The following CUX2 variants were observed in gnomAD, a reference collection of about 807,000 sequenced individuals.
CUX2 encodes the protein homeobox protein cut-like 2.
A neutral mutation model predicts 144.8 loss-of-function variants in CUX2; 40 were observed. The observed-to-expected ratio is 0.28, with a 90% CI of 0.21 to 0.36. CUX2 has a LOEUF of 0.36. Among genes scored for constraint, CUX2 ranks in the 10% least tolerant of loss-of-function variants. The pLI is 1.00. For missense variants in CUX2, 1,615 were observed against 1,994.0 expected (o/e 0.81, Z 3.62); for synonymous variants, 827 against 875.6 (o/e 0.94, Z 0.98).
intron 1 of CUX2, among the ~76,000 whole-genome samples, chr12:111,062,940 G>C (rs1365546061): frequency 6.6e-6 from 1 of 152,168 alleles, no homozygotes; most frequent in African/African-American, 2.4e-5. Flanking sequence ...GGCAGGATGT[G>C]TCTGAGAAGC....
Position 111,336,459 on chromosome 12 carries a change from T to TG in CUX2, c.3196+1749_3196+1750insG, listed in dbSNP as rs199709412. On this transcript the variant is annotated intron_variant, in intron 19 of 21. Transcript: ENST00000261726. ...GTGTGTGTGTGTGTGTGTGTGTGTG[T>TG]TTAAGATGGAGTCTCCTGTCACCCA... Among the ~76,000 whole-genome samples, 976 of 146,626 alleles carry TG rather than the reference T, an allele frequency of 6.7e-3. 8 individuals are homozygous for TG. The highest frequency in any genetic ancestry group is 0.023 in the African/African-American group (903 of 38,736).
rs1871133840 is a variant in CUX2 at position 111,068,921 on chromosome 12, C to A, written c.63+34681C>A. 6.6e-6 allele frequency among the ~76,000 whole-genome samples: 1 copy of A among 152,012 alleles called. No individual in the cohort carries two copies. Among genetic ancestry groups the A allele is most frequent in the Non-Finnish European group, 1.5e-5 (1 of 67,996 alleles). On this transcript the variant is annotated intron_variant, in intron 1 of 21. Transcript: ENST00000261726. The surrounding 1 kb of genome is among the most constrained non-coding windows in gnomAD (Gnocchi z 4.9). ...AGGAGTTCGAGACCAGCCTGGCCAA[C>A]ATGGTGAAACCCCATCTCTACTAAT... is the stretch of plus-strand genomic sequence containing the variant.
At chr12:111,331,207 T>TC (rs1888107202) in intron 18 of CUX2, among the ~76,000 whole-genome samples, 2 of 152,018 alleles carry the variant, frequency 1.3e-5, no homozygotes, top group South Asian at 4.2e-4. Context: ...TTCTGGAGCA[T>TC]AGGAGTGGTC....
intron 20 of CUX2, among the ~76,000 whole-genome samples, chr12:111,338,993 G>A (rs970731665): frequency 1.3e-5 from 2 of 152,182 alleles, no homozygotes; most frequent in Admixed American, 1.3e-4. Context: ...AGCACTTTGG[G>A]AGGCTGAGGC....
chr12:111,144,142 G>A (rs1293108826), intron 1 of CUX2, among the ~76,000 whole-genome samples: 1 of 152,142 alleles, frequency 6.6e-6, no homozygotes, highest in Non-Finnish European at 1.5e-5. Flanking sequence ...TAAAGGCCAG[G>A]CCTGGGCCTT....
At chr12:111,170,545 C>CTTTTTTT (rs34282526) in intron 1 of CUX2, among the ~76,000 whole-genome samples, 3 of 79,940 alleles carry the variant, frequency 3.8e-5, no homozygotes, top group African/African-American at 1.2e-4. Context: ...CCCAGCTCTT[C>CTTTTTTT]TTTTTTTTTT....
intron 1 of CUX2, among the ~76,000 whole-genome samples, chr12:111,176,912 G>A (rs1042312848): frequency 6.6e-6 from 1 of 152,190 alleles, no homozygotes; most frequent in African/African-American, 2.4e-5. Flanking sequence ...TTTTGGACTG[G>A]AAAATTTCTC....
intron 1 of CUX2, among the ~76,000 whole-genome samples, chr12:111,168,207 G>C (rs1878278742): frequency 6.6e-6 from 1 of 152,136 alleles, no homozygotes; most frequent in Admixed American, 6.5e-5. Flanking sequence ...AACCCAGTTT[G>C]TGGCTCCTCA....
intron 3 of CUX2, among the ~76,000 whole-genome samples, chr12:111,242,870 C>T (rs1042260323): frequency 1.3e-5 from 2 of 152,150 alleles, no homozygotes; most frequent in Admixed American, 6.5e-5. Flanking sequence ...CACCCCATGA[C>T]AGGCCCTGGT....
Position 111,287,391 on chromosome 12 carries a change from C to T in CUX2, c.302-4027C>T, listed in dbSNP as rs1486300287. Among the ~76,000 whole-genome samples the T allele has an allele frequency of 6.6e-6, 1 of 152,252 alleles. No individual in the cohort carries two copies. The highest frequency in any genetic ancestry group is 1.5e-5 in the Non-Finnish European group (1 of 68,050). On this transcript the variant is annotated intron_variant, in intron 4 of 21. Transcript: ENST00000261726. The surrounding 1 kb of genome is among the most constrained non-coding windows in gnomAD (Gnocchi z 4.2). ...CTTGTGTTTGTCTAACTTCCCTGAC[C>T]CCGGCGAGTGCTCGTTGCCTTTTTT...
chr12:111,174,365 C>T (rs1878719356), intron 1 of CUX2, among the ~76,000 whole-genome samples: 1 of 152,194 alleles, frequency 6.6e-6, no homozygotes, highest in African/African-American at 2.4e-5. Flanking sequence ...GGAAGTTTTC[C>T]TGATCAGTTT....
At chr12:111,251,519 T>G (rs1883560758) in intron 3 of CUX2, among the ~76,000 whole-genome samples, 1 of 152,114 alleles carries the variant, frequency 6.6e-6, no homozygotes, top group Non-Finnish European at 1.5e-5. Flanking sequence ...ACATTTCATT[T>G]TTGCACTGCT....
intron 1 of CUX2, among the ~76,000 whole-genome samples, chr12:111,155,599 T>C (rs1369161827): frequency 6.6e-6 from 1 of 152,154 alleles, no homozygotes; most frequent in African/African-American, 2.4e-5. Context: ...GTTTCTCCCA[T>C]ATGTTCCCAG....
At chr12:111,265,309 T>TTTTATTTTA in intron 4 of CUX2, among the ~76,000 whole-genome samples, 1 of 143,720 alleles carries the variant, frequency 7.0e-6, no homozygotes, top group African/African-American at 2.7e-5. Flanking sequence ...TTTTATTTTA[T>TTTTATTTTA]TTTTATTTTA....
intron 1 of CUX2, among the ~76,000 whole-genome samples, chr12:111,082,963 A>G (rs1239082046): frequency 2.0e-5 from 3 of 152,254 alleles, no homozygotes; most frequent in African/African-American, 7.2e-5. Context: ...GCTGTGCTGG[A>G]AAGAGTCTTC....
At chr12:111,124,106 T>C (rs1241807328) in intron 1 of CUX2, among the ~76,000 whole-genome samples, 1 of 152,102 alleles carries the variant, frequency 6.6e-6, no homozygotes, top group Non-Finnish European at 1.5e-5. Flanking sequence ...ACATTTTTAT[T>C]CCCCCAAAAG....
chr12:111,234,129 A>AT (rs1350670151), intron 3 of CUX2, among the ~76,000 whole-genome samples: 3 of 152,206 alleles, frequency 2.0e-5, no homozygotes, highest in Admixed American at 6.5e-5. Flanking sequence ...GGGTAAAAAA[A>AT]CAGAATTAAG....
chr12:111,218,045 A>C (rs1417887451), intron 3 of CUX2, 108 bp downstream of exon 3: 7 of 1,153,058 alleles, frequency 6.1e-6, no homozygotes, highest in Non-Finnish European at 9.1e-6. Flanking sequence ...AGCTTTGGAG[A>C]AGCTTCCCTG....
At chr12:111,145,816 G>A (rs1245621843) in intron 1 of CUX2, among the ~76,000 whole-genome samples, 4 of 152,022 alleles carry the variant, frequency 2.6e-5, no homozygotes, top group African/African-American at 7.3e-5. Flanking sequence ...ACAGCCATGC[G>A]CCACCACACC....
Sources: gnomAD v4.1 joint callset for allele counts (sites outside exome capture counted in the v4.1 genomes callset) on GRCh38, gnomAD v4.1.1 for gene constraint, Gnocchi (gnomAD v3.1) non-coding constraint, MANE v1.5 for transcripts, NCBI Gene and HGNC (gene_info 2026-07-23, HGNC 2026-07-21) for gene names.